The following COPA variants were observed in gnomAD, a reference collection of about 807,000 sequenced individuals.
The protein encoded by COPA is coat protein complex I subunit alpha, also known as coatomer subunit alpha.
In COPA, 10 loss-of-function variants were observed where a neutral mutation model predicts 158.7. The observed-to-expected ratio is 0.06, with a 90% CI of 0.04 to 0.11. COPA has a LOEUF of 0.11. Ranked by LOEUF, COPA falls within the 10% of genes least tolerant of loss-of-function variation. The pLI, the probability that COPA is intolerant of heterozygous loss-of-function variation, is 1.00. For missense variants in COPA, 1,065 were observed against 1,536.7 expected (o/e 0.69, Z 5.13); for synonymous variants, 462 against 542.8 (o/e 0.85, Z 2.07).
chr1:160,298,832 A>G lies in COPA; in HGVS notation c.1977+13T>C. ...CTAAGACAATATGGGGCTGATGACC[A>G]TATTCCTCTCACCTCAATGTTTCCA... is the stretch of plus-strand genomic sequence containing the variant. On this transcript the variant is annotated intron_variant, in intron 19 of 32. Transcript: ENST00000241704. The G allele has an allele frequency of 6.2e-7, 1 of 1,614,070 alleles. No homozygotes were observed.
In COPA at chr1:160,291,815, T is replaced by C. The variant is rs1235530043; in HGVS notation, c.3258+4A>G. 7.4e-6 allele frequency: 12 copies of C among 1,613,738 alleles called. No individual in the cohort carries two copies. Among genetic ancestry groups the C allele is most frequent in the Non-Finnish European group, 9.3e-6 (11 of 1,179,776 alleles). On this transcript the variant is annotated splice_donor_region_variant and intron_variant, in intron 30 of 32. Transcript: ENST00000241704. ...TGTTGTGCTCAGGGTCCTATAGATC[T>C]TACCTCACAGATGCGCTTCTGCTGT...
intron 5 of COPA, chr1:160,333,393 C>T (rs1415191970): frequency 1.1e-5 from 5 of 450,014 alleles, no homozygotes; most frequent in Non-Finnish European, 2.0e-5. Flanking sequence ...ACTTCTCTTC[C>T]TGGTAAGAAA....
intron 19 of COPA, among the ~76,000 whole-genome samples, chr1:160,298,315 C>T (rs1455112671): frequency 6.6e-6 from 1 of 152,200 alleles, no homozygotes; most frequent in East Asian, 1.9e-4. Flanking sequence ...AACCACCTAG[C>T]AGTTGCTGAT....
At chr1:160,318,468 TAAAAAAAAAAAAAAAAAAAAAAACAAAA>T (rs746048726) in intron 8 of COPA, among the ~76,000 whole-genome samples, 3 of 15,670 alleles carry the variant, frequency 1.9e-4, no homozygotes, top group African/African-American at 3.9e-4. Context: ...ACAATATTTG[TAAAAAAAAAAAAAAAAAAAAAAACAAAA>T]AAAAAAAAAA....
At chr1:160,294,722 C>G in intron 24 of COPA, 46 bp downstream of exon 24, 1 of 1,606,310 alleles carries the variant, frequency 6.2e-7, no homozygotes, top group Non-Finnish European at 8.5e-7. Context: ...CAGTCCCAAT[C>G]CAAGGTGTCC....
chr1:160,331,256 T>A (rs1393245051), intron 6 of COPA, among the ~76,000 whole-genome samples: 1 of 152,168 alleles, frequency 6.6e-6, no homozygotes, highest in Non-Finnish European at 1.5e-5. Flanking sequence ...AACATTTAAA[T>A]CCTTGTCTCA....
chr1:160,308,815 T>A (rs2101840431), intron 13 of COPA: 1 of 344,344 alleles, frequency 2.9e-6, no homozygotes, highest in African/African-American at 2.1e-5. Context: ...GAAAGTCATA[T>A]CAACTGACAA....
At chr1:160,313,913 G>A in intron 9 of COPA, 77 bp downstream of exon 9, 1 of 1,321,072 alleles carries the variant, frequency 7.6e-7, no homozygotes, top group Middle Eastern at 2.0e-4. Context: ...GATGATGAGA[G>A]ACATAAAGAA....
chr1:160,292,504 A>G lies in COPA; in HGVS notation c.2940T>C (p.Tyr980=), dbSNP rs752622881. 2 of 1,613,782 alleles carry G rather than the reference A, an allele frequency of 1.2e-6. No homozygotes were observed. Among genetic ancestry groups the G allele is most frequent in the Non-Finnish European group, 8.5e-7 (1 of 1,179,892 alleles). The change falls in exon 28 of 33, where the codon TAT becomes TAC. Residue 980 remains tyrosine (Y), a synonymous_variant. Transcript: ENST00000241704. ...YQALPCLPSM[Y]GYPNRNWKDA... ...CTTACCAGTTGCGATTAGGATAGCC[A>G]TACATGGAGGGTAGGCAGGGCAGAG... is the stretch of plus-strand genomic sequence containing the variant.
intron 6 of COPA, among the ~76,000 whole-genome samples, chr1:160,327,402 C>T (rs6427514): frequency 0.6 from 88,834 of 146,994 alleles, 27,352 homozygotes; most frequent in African/African-American, 0.79. Context: ...TCGGGCATGA[C>T]GGCGCATGCC....
In COPA at chr1:160,294,589, C is replaced by G. The variant is rs777771731; in HGVS notation, c.2571G>C (p.Gly857=). 2 of 1,614,186 alleles carry G rather than the reference C, an allele frequency of 1.2e-6. No individual in the cohort carries two copies. Among genetic ancestry groups the G allele is most frequent in the Non-Finnish European group, 1.7e-6 (2 of 1,180,010 alleles). Residue 857 remains glycine (G), a synonymous_variant, in exon 25 of 33, where the codon GGG becomes GGC. Transcript: ENST00000241704. ...EDAELQLDED[G]FVEATEGLGD... ...CCAAACCTTCTGTAGCCTCCACAAA[C>G]CCATCTGTAAGGAAAATTCAAGCTC...
chr1:160,336,916 C>T (rs962545204), intron 3 of COPA, among the ~76,000 whole-genome samples: 28 of 120,618 alleles, frequency 2.3e-4, no homozygotes, highest in Non-Finnish European at 5.3e-4. Flanking sequence ...AACACTATAC[C>T]CTTACCACCT....
intron 5 of COPA, 141 bp from the exon 6 acceptor site, chr1:160,332,698 GA>G (rs1647587519): frequency 3.9e-6 from 2 of 511,172 alleles, no homozygotes; most frequent in Non-Finnish European, 6.8e-6. Flanking sequence ...TACCAATTCT[GA>G]ACTAATAATA....
intron 8 of COPA, among the ~76,000 whole-genome samples, chr1:160,316,562 C>T (rs1659147714): frequency 6.6e-6 from 1 of 151,632 alleles, no homozygotes; most frequent in African/African-American, 2.4e-5. Flanking sequence ...ACCACCCTAA[C>T]CAACATGGAG....
chr1:160,328,391 G>C (rs1647355686), intron 6 of COPA, among the ~76,000 whole-genome samples: 1 of 152,230 alleles, frequency 6.6e-6, no homozygotes, highest in African/African-American at 2.4e-5. Context: ...AAAACAGACA[G>C]ATGAATGGTG....
At chr1:160,339,763 G>A in intron 3 of COPA, 146 bp downstream of exon 3, 1 of 654,798 alleles carries the variant, frequency 1.5e-6, no homozygotes, top group East Asian at 2.6e-5. Context: ...TTCAATAAAT[G>A]TTTGCTGAGT....
intron 6 of COPA, chr1:160,326,048 T>A: frequency 5.9e-6 from 1 of 169,152 alleles, no homozygotes; most frequent in Non-Finnish European, 1.3e-5. Flanking sequence ...ACTCTCAACT[T>A]CATAAAATTT....
chr1:160,331,628 G>A (rs531009845), intron 6 of COPA, among the ~76,000 whole-genome samples: 12 of 141,156 alleles, frequency 8.5e-5, no homozygotes, highest in Non-Finnish European at 1.7e-4. Flanking sequence ...GCATGGGTGA[G>A]ACAGAGTGAG....
At position 160,289,664 on chromosome 1, in the gene COPA, G is replaced by C. The variant is rs1035693714; in HGVS notation, c.*493C>G. On this transcript the variant is annotated 3_prime_UTR_variant, in exon 33 of 33. Transcript: ENST00000241704. The stretch of plus-strand genomic sequence containing the variant: ...GGAATGAAGTGGTATGATCTCAGTT[G>C]AATGCAACCTCCACCTCCTAGGTTC... 1 of 151,200 alleles carries C rather than the reference G, an allele frequency of 6.6e-6. No homozygotes were observed. Among genetic ancestry groups the C allele is most frequent in the African/African-American group, 2.4e-5 (1 of 40,972 alleles). 9.4% of individuals were successfully genotyped at this position (151,200 alleles called of 1,614,324 possible). A position where few individuals can be genotyped will look rare whatever the true frequency, so the allele number is the denominator to read the frequency against.
Sources: gnomAD v4.1 joint callset for allele counts (sites outside exome capture counted in the v4.1 genomes callset) on GRCh38, gnomAD v4.1.1 for gene constraint, MANE v1.5 for transcripts, NCBI Gene and HGNC (gene_info 2026-07-23, HGNC 2026-07-21) for gene names.